The following HSD3B2 variants were observed in gnomAD, a reference collection of about 807,000 sequenced individuals.
HSD3B2 encodes hydroxy-delta-5-steroid dehydrogenase, 3 beta- and steroid delta-isomerase 2, also known as 3 beta-hydroxysteroid dehydrogenase/Delta 5-->4-isomerase type 2.
A neutral mutation model predicts 9.9 loss-of-function variants in HSD3B2; 8 were observed. The ratio of observed to expected loss-of-function variants is 0.81; its 90% CI spans 0.47 to 1.46. The LOEUF (loss-of-function observed/expected upper bound fraction) is 1.46. Ranked by LOEUF, HSD3B2 falls within the 40% of genes most tolerant of loss-of-function variation. The pLI is 0.00. For synonymous variants in HSD3B2, 221 were observed against 184.5 expected (o/e 1.20, Z -1.60); for missense variants, 410 against 448.3 (o/e 0.91, Z 0.77).
At position 119,419,468 on chromosome 1, in the gene HSD3B2, G is replaced by A; in HGVS notation, c.193G>A (p.Glu65Lys). 3 of 1,613,752 alleles carry A rather than the reference G, an allele frequency of 1.9e-6. No individual in the cohort carries two copies. Among genetic ancestry groups the A allele is most frequent in the Middle Eastern group, 1.7e-4 (1 of 6,054 alleles). ...TGTACTTGAAGGAGACATTCTGGAT[G>A]AGCCATTCCTGAAAAGAGCCTGCCA... ...LTVLEGDILDEPFLKRACQDV... is the reference protein window; with the variant it reads ...LTVLEGDILDKPFLKRACQDV... The change falls in exon 3 of 4, where the codon GAG becomes AAG. Residue 65 changes from glutamate to lysine, a missense_variant. By Grantham distance (56) the Glu-to-Lys change is moderately conservative. Coordinates refer to ENST00000369416, the MANE Select transcript of HSD3B2 (RefSeq NM_000198.4).
chr1:119,416,173 G>A (rs1207773763), intron 2 of HSD3B2, among the ~76,000 whole-genome samples: 1 of 152,130 alleles, frequency 6.6e-6, no homozygotes, highest in Non-Finnish European at 1.5e-5. Context: ...GAGAGAGAGA[G>A]TGAAAGTGAG....
At chr1:119,420,921 A>G (rs1651839463) in intron 3 of HSD3B2, among the ~76,000 whole-genome samples, 1 of 152,126 alleles carries the variant, frequency 6.6e-6, no homozygotes, top group South Asian at 2.1e-4. Context: ...AGGAAGGTTT[A>G]TCACCCCCAC....
intron 3 of HSD3B2, chr1:119,419,892 A>T (rs1297599565): frequency 5.1e-5 from 19 of 370,520 alleles, no homozygotes; most frequent in South Asian, 4.1e-4. Flanking sequence ...TGTGGCCCCA[A>T]TCAAAAGTCA....
chr1:119,421,575 A>C (rs1314349911), intron 3 of HSD3B2, among the ~76,000 whole-genome samples: 1 of 149,916 alleles, frequency 6.7e-6, no homozygotes, highest in Non-Finnish European at 1.5e-5. Context: ...CATGAAACCC[A>C]AAAGTCTAGA....
intron 2 of HSD3B2, among the ~76,000 whole-genome samples, chr1:119,418,149 A>T (rs1651760203): frequency 6.6e-6 from 1 of 152,182 alleles, no homozygotes; most frequent in Non-Finnish European, 1.5e-5. Context: ...GAAGATATGG[A>T]TGTTACATCC....
At position 119,421,935 on chromosome 1, in the gene HSD3B2, C is replaced by T. The variant is rs1313548220; in HGVS notation, c.434C>T (p.Pro145Leu). The change falls in exon 4 of 4, where the codon CCT (proline) becomes CTT (leucine). Residue 145 changes from proline to leucine, a missense_variant. By Grantham distance (98) the Pro-to-Leu change is moderately conservative. Coordinates refer to ENST00000369416, the MANE Select transcript of HSD3B2 (RefSeq NM_000198.4). The part of the protein sequence containing the change: ...EIIQNGHEEE[P>L]LENTWPTPYP... ...ATCCAGAACGGCCACGAAGAAGAGC[C>T]TCTGGAAAACACATGGCCCACTCCA... The T allele has an allele frequency of 5.0e-6, 8 of 1,613,930 alleles. No homozygotes were observed. The African/African-American group carries it at 6.7e-5, about 13-fold the overall frequency.
chr1:119,415,860 C>T (rs587617242), intron 2 of HSD3B2, among the ~76,000 whole-genome samples: 2 of 152,278 alleles, frequency 1.3e-5, no homozygotes, highest in South Asian at 4.2e-4. Context: ...GTCTACAACT[C>T]TTATGTTCTG....
intron 2 of HSD3B2, among the ~76,000 whole-genome samples, chr1:119,419,135 C>A (rs1239827802): frequency 6.6e-6 from 1 of 152,206 alleles, no homozygotes; most frequent in East Asian, 1.9e-4. Context: ...TCCCATGACT[C>A]TAGCAATGCT....
At chr1:119,415,987 C>T (rs1428310004) in intron 2 of HSD3B2, among the ~76,000 whole-genome samples, 1 of 152,208 alleles carries the variant, frequency 6.6e-6, no homozygotes, top group South Asian at 2.1e-4. Context: ...CATTTTATAG[C>T]TTCCTTAGTA....
chr1:119,419,635 A>G, intron 3 of HSD3B2, 53 bp downstream of exon 3: 1 of 1,552,744 alleles, frequency 6.4e-7, no homozygotes. Context: ...AGGATCAGAA[A>G]GAAGGACAAG....
At position 119,422,666 on chromosome 1, in the gene HSD3B2, C is replaced by T. The variant is rs371081728; in HGVS notation, c.*46C>T. The T allele has an allele frequency of 6.6e-5, 106 of 1,604,884 alleles. No individual in the cohort carries two copies. The highest frequency in any genetic ancestry group is 1.3e-5 in the Non-Finnish European group (15 of 1,175,734). On this transcript the variant is annotated 3_prime_UTR_variant, in exon 4 of 4. Transcript: ENST00000369416. ...GCATGTGGGTATTGTTAGGAAATGT[C>T]ATCAAACTCCACCCACCTGGCTTCA...
In HSD3B2 at chr1:119,422,193, C is replaced by A. The variant is rs1391145898; in HGVS notation, c.692C>A (p.Ala231Asp). Residue 231 changes from alanine to aspartate, a missense_variant, in exon 4 of 4, where the codon GCC becomes GAC. Transcript: ENST00000369416. ...NPVYVGNVAW[A>D]HILALRALRD... ...GTCTATGTTGGCAACGTGGCCTGGG[C>A]CCACATTCTGGCCTTGAGGGCTCTG... is the stretch of plus-strand genomic sequence containing the variant. 1 of 1,614,134 alleles carries A rather than the reference C, an allele frequency of 6.2e-7. No individual in the cohort carries two copies. Among genetic ancestry groups the A allele is most frequent in the Admixed American group, 1.7e-5 (1 of 60,022 alleles).
At position 119,422,014 on chromosome 1, in the gene HSD3B2, G is replaced by T. The variant is rs1216510039; in HGVS notation, c.513G>T (p.Trp171Cys). 4 of 1,614,070 alleles carry T rather than the reference G, an allele frequency of 2.5e-6. No homozygotes were observed. The highest frequency in any genetic ancestry group is 3.4e-6 in the Non-Finnish European group (4 of 1,179,996). ...AGGCTGTGCTGGCGGCTAATGGGTG[G>T]AATCTAAAAAATGGTGATACCTTGT... Reference protein sequence around the residue: ...AEKAVLAANGWNLKNGDTLYT... With the variant: ...AEKAVLAANGCNLKNGDTLYT... The change falls in exon 4 of 4, where the codon TGG (tryptophan) becomes TGT (cysteine). Residue 171 changes from tryptophan (W) to cysteine (C), a missense_variant. Coordinates refer to ENST00000369416, the MANE Select transcript of HSD3B2 (RefSeq NM_000198.4).
At chr1:119,421,748 C>A in intron 3 of HSD3B2, 61 bp from the exon 4 acceptor site, 1 of 1,576,158 alleles carries the variant, frequency 6.3e-7, no homozygotes, top group Non-Finnish European at 8.7e-7. Context: ...TGGATCTGTG[C>A]ATGTGGTTGC....
Position 119,421,920 on chromosome 1 carries a change from G to T in HSD3B2, c.419G>T (p.Gly140Val), listed in dbSNP as rs142169766. Residue 140 changes from glycine (G) to valine (V), a missense_variant, in exon 4 of 4, where the codon GGC becomes GTC. Transcript: ENST00000369416. ...TCCTACAAGGAAATCATCCAGAACG[G>T]CCACGAAGAAGAGCCTCTGGAAAAC... ...PNSYKEIIQN[G>V]HEEEPLENTW... The T allele has an allele frequency of 3.7e-6, 6 of 1,613,890 alleles. No individual in the cohort carries two copies. The highest frequency in any genetic ancestry group is 2.7e-5 in the African/African-American group (2 of 74,864).
chr1:119,417,008 G>A (rs1182770767), intron 2 of HSD3B2, among the ~76,000 whole-genome samples: 1 of 152,182 alleles, frequency 6.6e-6, no homozygotes, highest in Admixed American at 6.5e-5. Context: ...GCCAGGCACT[G>A]TGCTAAAGGT....
At chr1:119,419,916 T>G in intron 3 of HSD3B2, 1 of 349,334 alleles carries the variant, frequency 2.9e-6, no homozygotes, top group South Asian at 2.6e-5. Flanking sequence ...AAACTCCAAC[T>G]TCAAATTCAC....
At chr1:119,417,967 G>A (rs1000529839) in intron 2 of HSD3B2, among the ~76,000 whole-genome samples, 8 of 152,226 alleles carry the variant, frequency 5.3e-5, no homozygotes, top group African/African-American at 1.4e-4. Context: ...CCTACCTCAC[G>A]AGATAGCTGT....
At chr1:119,419,311 T>C in intron 2 of HSD3B2, 107 bp from the exon 3 acceptor site, 1 of 1,036,310 alleles carries the variant, frequency 9.6e-7, no homozygotes, top group African/African-American at 1.6e-5. Flanking sequence ...TCCACTCTAA[T>C]ACCCACACTC....
Sources: gnomAD v4.1 joint callset for allele counts (sites outside exome capture counted in the v4.1 genomes callset) on GRCh38, gnomAD v4.1.1 for gene constraint, MANE v1.5 for transcripts, NCBI Gene and HGNC (gene_info 2026-07-23, HGNC 2026-07-21) for gene names.